The following TENM4 variants were observed in gnomAD, a reference collection of about 807,000 sequenced individuals.
TENM4 encodes teneurin transmembrane protein 4.
A neutral mutation model predicts 243.3 loss-of-function variants in TENM4; 82 were observed. The observed-to-expected ratio is 0.34, with a 90% CI of 0.28 to 0.40. The LOEUF is 0.40. Ranked by LOEUF, TENM4 falls within the 10% of genes least tolerant of loss-of-function variation. The pLI, the probability that TENM4 is intolerant of heterozygous loss-of-function variation, is 1.00. For synonymous variants in TENM4, 1,412 were observed against 1,456.3 expected (o/e 0.97, Z 0.69); for missense variants, 3,138 against 3,673.3 (o/e 0.85, Z 3.77).
At chr11:78,842,379 T>G (rs1159209060) in intron 12 of TENM4, among the ~76,000 whole-genome samples, 2 of 152,228 alleles carry the variant, frequency 1.3e-5, no homozygotes, top group African/African-American at 4.8e-5. Flanking sequence ...TAGGTTCTCT[T>G]CTCTCATCTA....
At chr11:79,424,039 T>C (rs913714145) in intron 1 of TENM4, among the ~76,000 whole-genome samples, 4 of 152,220 alleles carry the variant, frequency 2.6e-5, no homozygotes, top group African/African-American at 9.6e-5. Context: ...CAGCAGGTAT[T>C]GTTGTCATAC....
At chr11:78,899,102 C>T (rs188330145) in intron 7 of TENM4, among the ~76,000 whole-genome samples, 30 of 152,208 alleles carry the variant, frequency 2.0e-4, no homozygotes, top group African/African-American at 6.5e-4. Flanking sequence ...CTTTGACTAA[C>T]AGAATATGGA....
intron 19 of TENM4, among the ~76,000 whole-genome samples, chr11:78,752,225 G>C (rs1856205871): frequency 6.6e-6 from 1 of 152,244 alleles, no homozygotes; most frequent in Admixed American, 6.5e-5. Context: ...AGATGAACCA[G>C]AGAGGGCCCC....
intron 19 of TENM4, among the ~76,000 whole-genome samples, chr11:78,748,863 C>T (rs1178841846): frequency 6.6e-6 from 1 of 152,150 alleles, no homozygotes; most frequent in Non-Finnish European, 1.5e-5. Flanking sequence ...TATTTTATCT[C>T]ATTTAATCTT....
At chr11:78,808,187 A>C (rs1857430125) in intron 14 of TENM4, among the ~76,000 whole-genome samples, 1 of 152,264 alleles carries the variant, frequency 6.6e-6, no homozygotes, top group African/African-American at 2.4e-5. Flanking sequence ...ATGGGCAAAA[A>C]CTTTACAAAT....
In TENM4 at chr11:78,903,283, A is replaced by G. The variant is rs752691696; in HGVS notation, c.734T>C (p.Ile245Thr). The change falls in exon 7 of 34, where the codon ATC becomes ACC. Residue 245 changes from isoleucine (I) to threonine (T), a missense_variant. Physicochemically the swap from Ile to Thr is moderately conservative, Grantham distance 89. This residue lies in a region of TENM4 where 671 missense variants were observed against 614.1 expected (regional missense o/e 1.09). Coordinates refer to ENST00000278550, the MANE Select transcript of TENM4 (RefSeq NM_001098816.3). ...GGCCGCGCACCTGGTCTCCAGGGGG[A>G]TGTTGCTGTTGAGCAGCCAGTTCTC... is the stretch of plus-strand genomic sequence containing the variant. ...AQENWLLNSN[I>T]PLETRNLGKQ... The G allele has an allele frequency of 6.7e-7, 1 of 1,488,378 alleles. No homozygotes were observed. The highest frequency in any genetic ancestry group is 8.9e-7 in the Non-Finnish European group (1 of 1,123,634). 92.2% of individuals were successfully genotyped at this position (1,488,378 alleles called of 1,614,324 possible). A position where few individuals can be genotyped will look rare whatever the true frequency, so the allele number is the denominator to read the frequency against.
chr11:79,399,819 T>C (rs2135553838), intron 1 of TENM4, among the ~76,000 whole-genome samples: 1 of 152,184 alleles, frequency 6.6e-6, no homozygotes, highest in East Asian at 1.9e-4. Context: ...TCCTTCTCTG[T>C]AAAGAATGGG....
chr11:78,709,322 C>T (rs796294078), intron 26 of TENM4, among the ~76,000 whole-genome samples: 5 of 152,200 alleles, frequency 3.3e-5, no homozygotes, highest in Admixed American at 6.5e-5. Flanking sequence ...TACAAAACTA[C>T]GGAATCTGAA....
chr11:78,766,934 C>T (rs1591007789), intron 18 of TENM4, among the ~76,000 whole-genome samples: 1 of 152,224 alleles, frequency 6.6e-6, no homozygotes, highest in East Asian at 1.9e-4. Context: ...AAACTCCTGG[C>T]CTCAAGTGAT....
intron 9 of TENM4, among the ~76,000 whole-genome samples, chr11:78,865,877 A>G (rs1002545883): frequency 7.2e-5 from 11 of 152,238 alleles, no homozygotes; most frequent in African/African-American, 2.7e-4. Context: ...AGCAATGAGT[A>G]TAGAAAGCTT....
intron 9 of TENM4, among the ~76,000 whole-genome samples, chr11:78,865,687 C>T (rs1858955474): frequency 6.6e-6 from 1 of 152,150 alleles, no homozygotes; most frequent in Non-Finnish European, 1.5e-5. Flanking sequence ...GAACACAAGC[C>T]ATGGGGAACA....
At chr11:79,055,808 T>G (rs190253239) in intron 6 of TENM4, among the ~76,000 whole-genome samples, 12 of 152,314 alleles carry the variant, frequency 7.9e-5, no homozygotes, top group Admixed American at 7.8e-4. Flanking sequence ...CAAGTTTGAC[T>G]CCAAAGCCTA....
intron 1 of TENM4, among the ~76,000 whole-genome samples, chr11:79,361,015 A>G (rs1012169472): frequency 9.9e-5 from 15 of 152,214 alleles, no homozygotes; most frequent in Admixed American, 3.9e-4. Flanking sequence ...CCTAGCAATT[A>G]TCATGCAACC....
intron 28 of TENM4, among the ~76,000 whole-genome samples, chr11:78,700,439 C>T (rs952805341): frequency 1.3e-5 from 2 of 152,160 alleles, no homozygotes; most frequent in African/African-American, 2.4e-5. Flanking sequence ...TAGCTCCTAG[C>T]CCACAGCTAA....
At chr11:79,019,416 C>G (rs989976634) in intron 6 of TENM4, among the ~76,000 whole-genome samples, 3 of 151,974 alleles carry the variant, frequency 2.0e-5, no homozygotes, top group African/African-American at 7.2e-5. Flanking sequence ...CAAAGCCCAA[C>G]TCTTCTACCT....
chr11:79,283,213 AACAC>A (rs33993080), intron 2 of TENM4, among the ~76,000 whole-genome samples: 13,679 of 135,872 alleles, frequency 0.1, 800 homozygotes, highest in African/African-American at 0.19. Flanking sequence ...CACACACACA[AACAC>A]ACACACACAC....
At chr11:79,189,171 T>C (rs928645523) in intron 3 of TENM4, among the ~76,000 whole-genome samples, 2 of 152,236 alleles carry the variant, frequency 1.3e-5, no homozygotes, top group African/African-American at 4.8e-5. Flanking sequence ...TCATAATACA[T>C]GATCTTGAAT....
chr11:79,160,807 T>C (rs1337131683), intron 3 of TENM4, among the ~76,000 whole-genome samples: 1 of 152,228 alleles, frequency 6.6e-6, no homozygotes, highest in Non-Finnish European at 1.5e-5. Flanking sequence ...ATCTTTCATT[T>C]AGAAATTTAA....
At chr11:78,841,277 C>T (rs963989921) in intron 12 of TENM4, among the ~76,000 whole-genome samples, 4 of 152,208 alleles carry the variant, frequency 2.6e-5, no homozygotes, top group Non-Finnish European at 4.4e-5. Flanking sequence ...AACCAGCTAC[C>T]TGGCTTCAAA....
Sources: gnomAD v4.1 joint callset for allele counts (sites outside exome capture counted in the v4.1 genomes callset) on GRCh38, gnomAD v4.1.1 for gene constraint, gnomAD v4.1.1 regional missense constraint, MANE v1.5 for transcripts, NCBI Gene and HGNC (gene_info 2026-07-23, HGNC 2026-07-21) for gene names.